The following CLASP2 variants were observed in gnomAD, a reference collection of about 807,000 sequenced individuals.
The protein encoded by CLASP2 is cytoplasmic linker associated protein 2, also known as CLIP-associating protein 2.
CLASP2 carries 47 observed loss-of-function variants against 194.4 expected under a neutral mutation model. The observed-to-expected ratio is 0.24, with a 90% CI of 0.19 to 0.31. CLASP2 has a LOEUF of 0.31. Ranked by LOEUF, CLASP2 falls within the 10% of genes least tolerant of loss-of-function variation. The pLI is 1.00. For synonymous variants in CLASP2, 619 were observed against 633.5 expected (o/e 0.98, Z 0.34); for missense variants, 1,445 against 1,823.6 (o/e 0.79, Z 3.78).
intron 12 of CLASP2, 23 bp from the exon 13 acceptor site, chr3:33,612,094 G>C (rs1276849020): frequency 4.7e-6 from 7 of 1,481,806 alleles, no homozygotes; most frequent in African/African-American, 1.4e-5. Flanking sequence ...TTTTAGAAAA[G>C]GTTGAAAATA....
chr3:33,584,290 T>G (rs953355478), intron 22 of CLASP2, among the ~76,000 whole-genome samples: 1 of 150,396 alleles, frequency 6.6e-6, no homozygotes, highest in Non-Finnish European at 1.5e-5. Context: ...GGGTTTTTTT[T>G]TTTTTTTTTG....
At chr3:33,682,771 T>C (rs4630892) in intron 6 of CLASP2, among the ~76,000 whole-genome samples, 38,623 of 152,014 alleles carry the variant, frequency 0.25, 5,495 homozygotes, top group Admixed American at 0.37. Context: ...AGTGACTAAT[T>C]TAAAAAACAA....
At chr3:33,646,261 A>C (rs2154312790) in intron 7 of CLASP2, among the ~76,000 whole-genome samples, 1 of 151,948 alleles carries the variant, frequency 6.6e-6, no homozygotes, top group Admixed American at 6.5e-5. Context: ...ATGCCAAGAA[A>C]GTTTTAAGAC....
intron 23 of CLASP2, among the ~76,000 whole-genome samples, chr3:33,577,539 A>G (rs1371550275): frequency 2.6e-5 from 4 of 152,192 alleles, no homozygotes; most frequent in Non-Finnish European, 5.9e-5. Flanking sequence ...ATGAAACAAA[A>G]AAACGAACAT....
chr3:33,536,936 G>T (rs2057447582), intron 33 of CLASP2, among the ~76,000 whole-genome samples: 1 of 152,184 alleles, frequency 6.6e-6, no homozygotes, highest in Non-Finnish European at 1.5e-5. Flanking sequence ...TAGGGGAGAA[G>T]ACCAGGAGTT....
chr3:33,577,358 T>C, intron 23 of CLASP2: 2 of 970,236 alleles, frequency 2.1e-6, no homozygotes, highest in Non-Finnish European at 3.2e-6. Flanking sequence ...TAGTTAACAC[T>C]GGTGTTATTC....
At chr3:33,708,509 T>C (rs1159787163) in intron 1 of CLASP2, among the ~76,000 whole-genome samples, 9 of 119,052 alleles carry the variant, frequency 7.6e-5, no homozygotes, top group South Asian at 2.5e-4. Context: ...TATATATGTA[T>C]ATATATGTAT....
chr3:33,651,028 A>T (rs560264169), intron 7 of CLASP2, among the ~76,000 whole-genome samples: 1 of 152,314 alleles, frequency 6.6e-6, no homozygotes, highest in African/African-American at 2.4e-5. Context: ...ACAAAACATG[A>T]TGTGAACTGA....
intron 29 of CLASP2, 83 bp downstream of exon 29, chr3:33,559,224 G>A (rs1468349530): frequency 1.7e-5 from 16 of 933,004 alleles, no homozygotes; most frequent in Non-Finnish European, 2.5e-5. Flanking sequence ...CTTCTCATGT[G>A]ACAGAAATAC....
intron 37 of CLASP2, among the ~76,000 whole-genome samples, chr3:33,507,533 G>T (rs1477580157): frequency 6.6e-6 from 1 of 152,074 alleles, no homozygotes; most frequent in African/African-American, 2.4e-5. Flanking sequence ...TTAGGCTGAA[G>T]TGCAGTGGTA....
chr3:33,634,701 A>C (rs2079787302), intron 8 of CLASP2, among the ~76,000 whole-genome samples: 2 of 152,230 alleles, frequency 1.3e-5, no homozygotes, highest in African/African-American at 4.8e-5. Flanking sequence ...CTAAAAACTG[A>C]AGTGAGATAA....
At chr3:33,685,412 A>G in intron 5 of CLASP2, among the ~76,000 whole-genome samples, 1 of 151,608 alleles carries the variant, frequency 6.6e-6, no homozygotes, top group East Asian at 1.9e-4. Flanking sequence ...CAATAATTAT[A>G]TTAATACAAA....
intron 12 of CLASP2, among the ~76,000 whole-genome samples, chr3:33,618,694 T>C (rs965113253): frequency 1.1e-4 from 16 of 152,198 alleles, no homozygotes; most frequent in Non-Finnish European, 2.1e-4. Context: ...TTAAAGAATA[T>C]ACTATGTATA....
chr3:33,677,372 C>T (rs996348020), intron 6 of CLASP2, among the ~76,000 whole-genome samples: 1 of 151,002 alleles, frequency 6.6e-6, no homozygotes, highest in Non-Finnish European at 1.5e-5. Context: ...TACTATGCAG[C>T]CATAAAAAAT....
At chr3:33,717,352 C>G (rs1343083707) in intron 1 of CLASP2, among the ~76,000 whole-genome samples, 1 of 152,156 alleles carries the variant, frequency 6.6e-6, no homozygotes, top group African/African-American at 2.4e-5. Context: ...GGTCACAAGT[C>G]AGTCCTCGGC....
intron 7 of CLASP2, among the ~76,000 whole-genome samples, chr3:33,646,048 T>C (rs1453338132): frequency 6.6e-6 from 1 of 151,700 alleles, no homozygotes; most frequent in African/African-American, 2.4e-5. Context: ...ACAAACAACA[T>C]GGGCGAGGCA....
chr3:33,717,051 A>G (rs1287102712), intron 1 of CLASP2, among the ~76,000 whole-genome samples: 3 of 152,156 alleles, frequency 2.0e-5, no homozygotes, highest in Non-Finnish European at 4.4e-5. Context: ...ACGCGGCTAC[A>G]TTACACCCTG....
rs1255416943 is a variant in CLASP2 at position 33,644,833 on chromosome 3, A to G, written c.786T>C (p.Val262=). 2 of 1,612,326 alleles carry G rather than the reference A, an allele frequency of 1.2e-6. No homozygotes were observed. Among genetic ancestry groups the G allele is most frequent in the Non-Finnish European group, 1.7e-6 (2 of 1,179,162 alleles). Residue 262 remains valine, a synonymous_variant, in exon 8 of 39, where the codon GTT becomes GTC. Transcript: ENST00000682230. ...RPSSAASAFK[V]PAPKTSGNPA... ...GATTTCCGGATGTTTTAGGTGCAGGAACCTTGAAGGCTGATGCAGCTGATG... is the reference window on the plus strand; with the variant it reads ...GATTTCCGGATGTTTTAGGTGCAGGGACCTTGAAGGCTGATGCAGCTGATG...
chr3:33,598,623 A>G (rs964680675), intron 18 of CLASP2, among the ~76,000 whole-genome samples: 1 of 152,202 alleles, frequency 6.6e-6, no homozygotes, highest in Non-Finnish European at 1.5e-5. Flanking sequence ...TTATAAGATG[A>G]TAAGTTCTTT....
Sources: gnomAD v4.1 joint callset for allele counts (sites outside exome capture counted in the v4.1 genomes callset) on GRCh38, gnomAD v4.1.1 for gene constraint, MANE v1.5 for transcripts, NCBI Gene and HGNC (gene_info 2026-07-23, HGNC 2026-07-21) for gene names.